The following NIBAN1 variants were observed in gnomAD, a reference collection of about 807,000 sequenced individuals.
NIBAN1 encodes the protein protein Niban 1.
NIBAN1 carries 81 observed loss-of-function variants against 75.1 expected under a neutral mutation model. The ratio of observed to expected loss-of-function variants is 1.08; its 90% CI spans 0.90 to 1.30. The LOEUF is 1.30. Among genes scored for constraint, NIBAN1 ranks in the 50% most tolerant of loss-of-function variants. The probability of loss-of-function intolerance (pLI) is 0.00; values close to 1 mark genes in which losing one functional copy is unlikely to be tolerated. For missense variants in NIBAN1, 1,133 were observed against 1,128.1 expected (o/e 1.00, Z -0.06); for synonymous variants, 436 against 424.8 (o/e 1.03, Z -0.32).
Position 184,861,559 on chromosome 1 carries a change from AAAG to A in NIBAN1, c.601+23071_601+23073del, listed in dbSNP as rs139941812. Reference sequence around the variant, plus strand: ...AAGGGAGGAAGGGAGGGAGGAAGGGAAAGAAGGAGAGAAGGAAGGAAGGAGGGA... The same window carrying A: ...AAGGGAGGAAGGGAGGGAGGAAGGGAAAGGAGAGAAGGAAGGAAGGAGGGA... On this transcript the variant is annotated intron_variant, in intron 5 of 13. Coordinates refer to ENST00000367511, the MANE Select transcript of NIBAN1 (RefSeq NM_052966.4). Among the ~76,000 whole-genome samples the A allele has an allele frequency of 5.4e-3, 799 of 147,060 alleles. 8 individuals are homozygous for A. Among genetic ancestry groups the A allele is most frequent in the African/African-American group, 0.019 (763 of 39,696 alleles).
intron 5 of NIBAN1, among the ~76,000 whole-genome samples, chr1:184,859,557 G>A (rs1655762891): frequency 6.6e-6 from 1 of 152,100 alleles, no homozygotes; most frequent in Non-Finnish European, 1.5e-5. Context: ...CAGTAACCAT[G>A]TAGCCAATGG....
intron 5 of NIBAN1, among the ~76,000 whole-genome samples, chr1:184,842,372 G>T (rs182219970): frequency 6.6e-6 from 1 of 152,174 alleles, no homozygotes. Context: ...AGAAGCTCCC[G>T]AGGTGATGCT....
At chr1:184,921,909 C>A (rs117948757) in intron 1 of NIBAN1, among the ~76,000 whole-genome samples, 2 of 152,242 alleles carry the variant, frequency 1.3e-5, no homozygotes, top group East Asian at 3.9e-4. Flanking sequence ...ATAATAATAT[C>A]AATAATACCA....
chr1:184,899,909 C>T (rs558269848), intron 1 of NIBAN1, among the ~76,000 whole-genome samples: 10 of 151,236 alleles, frequency 6.6e-5, no homozygotes, highest in Middle Eastern at 3.4e-3. Context: ...TTTCACCTCC[C>T]GGGTTCAAGC....
rs568591649 is a variant in NIBAN1, at chr1:184,857,958, GA to G, written c.602-25997del. On this transcript the variant is annotated intron_variant, in intron 5 of 13. Transcript: ENST00000367511. ...AAAAATAGCAATATAAAACCTTCAA[GA>G]AAAATTGAGGAAATTAGAAATATAA... 1.5e-3 allele frequency among the ~76,000 whole-genome samples: 221 copies of G among 151,518 alleles called. 2 individuals are homozygous for G. The highest frequency in any genetic ancestry group is 1.8e-3 in the Non-Finnish European group (125 of 67,818).
chr1:184,830,563 AAAG>A (rs1468901268), intron 6 of NIBAN1, among the ~76,000 whole-genome samples: 2 of 152,222 alleles, frequency 1.3e-5, no homozygotes, highest in African/African-American at 2.4e-5. Flanking sequence ...GTGAAACAAT[AAAG>A]AAGAGCTCCC....
rs1037562975 is a variant in NIBAN1 at position 184,795,667 on chromosome 1, C to A, written c.2097G>T (p.Glu699Asp). The A allele has an allele frequency of 1.2e-6, 2 of 1,614,186 alleles. No homozygotes were observed. Residue 699 changes from glutamate to aspartate, a missense_variant, in exon 14 of 14, where the codon GAG becomes GAT. Glu to Asp is a conservative substitution (Grantham distance 45). Coordinates refer to ENST00000367511, the MANE Select transcript of NIBAN1 (RefSeq NM_052966.4). ...AACCCGAGGCAGTGATGGGTTCTGG[C>A]TCTTCCTGGGCGGGTTCTTCATCCT... is the stretch of plus-strand genomic sequence containing the variant. ...TLEDEEPAQE[E>D]PEPITASGSL...
At chr1:184,892,355 A>G (rs1656689790) in intron 3 of NIBAN1, among the ~76,000 whole-genome samples, 1 of 152,170 alleles carries the variant, frequency 6.6e-6, no homozygotes, top group Non-Finnish European at 1.5e-5. Context: ...CCTATCTAGT[A>G]AGTGGTAAAG....
At chr1:184,911,199 A>C (rs917314668) in intron 1 of NIBAN1, among the ~76,000 whole-genome samples, 3 of 152,176 alleles carry the variant, frequency 2.0e-5, no homozygotes, top group African/African-American at 7.2e-5. Flanking sequence ...ATTTCACTTA[A>C]TATATATTAA....
intron 5 of NIBAN1, among the ~76,000 whole-genome samples, chr1:184,860,346 A>G (rs1655786037): frequency 6.6e-6 from 1 of 152,166 alleles, no homozygotes; most frequent in East Asian, 1.9e-4. Flanking sequence ...AATTTTGTAA[A>G]CATGCAAAAA....
At position 184,803,623 on chromosome 1, in the gene NIBAN1, G is replaced by A. The variant is rs1295770809; in HGVS notation, c.1516C>T (p.Pro506Ser). ...FQEALVQITL[P>S]TVQKALASTC... ...GACGCCAGTGCCTTCTGCACAGTGG[G>A]AAGTGTGATTTGAACTAGTGCCTCT... The change falls in exon 12 of 14, where the codon CCC (proline) becomes TCC (serine). Residue 506 changes from proline (P) to serine (S), a missense_variant. Pro to Ser is a moderately conservative substitution (Grantham distance 74, BLOSUM62 -1). Coordinates refer to ENST00000367511, the MANE Select transcript of NIBAN1 (RefSeq NM_052966.4). 3 of 1,614,100 alleles carry A rather than the reference G, an allele frequency of 1.9e-6. No individual in the cohort carries two copies. Among genetic ancestry groups the A allele is most frequent in the African/African-American group, 2.7e-5 (2 of 74,944 alleles).
intron 1 of NIBAN1, among the ~76,000 whole-genome samples, chr1:184,954,937 A>G (rs980155037): frequency 6.6e-6 from 1 of 152,212 alleles, no homozygotes; most frequent in African/African-American, 2.4e-5. Flanking sequence ...ATTCGAGAAC[A>G]GCTGTCTAAA....
chr1:184,836,860 A>G (rs1215763799), intron 5 of NIBAN1, among the ~76,000 whole-genome samples: 1 of 152,234 alleles, frequency 6.6e-6, no homozygotes, highest in Non-Finnish European at 1.5e-5. Context: ...TTCAGCTAAT[A>G]AACTGTTAAA....
At chr1:184,921,756 T>C (rs1657560714) in intron 1 of NIBAN1, among the ~76,000 whole-genome samples, 1 of 152,210 alleles carries the variant, frequency 6.6e-6, no homozygotes, top group East Asian at 1.9e-4. Context: ...AGTCAATCAA[T>C]AGTAACCTCC....
chr1:184,870,125 C>T (rs1338497935), intron 5 of NIBAN1, among the ~76,000 whole-genome samples: 2 of 152,150 alleles, frequency 1.3e-5, no homozygotes, highest in South Asian at 2.1e-4. Context: ...AAAGTCTCTT[C>T]CCCCCAACTC....
At chr1:184,974,052 A>AGGCGGCGGGAGCGGCGG (rs1376977551) in intron 1 of NIBAN1, among the ~76,000 whole-genome samples, 4 of 151,960 alleles carry the variant, frequency 2.6e-5, no homozygotes, top group Non-Finnish European at 5.9e-5. Flanking sequence ...GGGAGCGGCG[A>AGGCGGCGGGAGCGGCGG]AGGCGCCGGC....
chr1:184,842,922 A>G lies in NIBAN1; in HGVS notation c.602-10960T>C, dbSNP rs374673738. ...CGTTTGAGAAAAAAAAAATGACACA[A>G]AAGCAAAGGTGATAGTAGAAGACCA... is the stretch of plus-strand genomic sequence containing the variant. On this transcript the variant is annotated intron_variant, in intron 5 of 13. Coordinates refer to ENST00000367511, the MANE Select transcript of NIBAN1 (RefSeq NM_052966.4). Among the ~76,000 whole-genome samples the G allele has an allele frequency of 4.3e-4, 66 of 152,294 alleles. 1 individual carries two copies. The highest frequency in any genetic ancestry group is 1.5e-3 in the African/African-American group (62 of 41,548).
chr1:184,964,095 C>T (rs903370301), intron 1 of NIBAN1, among the ~76,000 whole-genome samples: 1 of 150,136 alleles, frequency 6.7e-6, no homozygotes, highest in African/African-American at 2.5e-5. Flanking sequence ...AAGAGCCATA[C>T]ATTTCCAGTC....
At position 184,794,762 on chromosome 1, in the gene NIBAN1, T is replaced by C. The variant is rs1653789923; in HGVS notation, c.*215A>G. 1 of 637,162 alleles carries C rather than the reference T, an allele frequency of 1.6e-6. No homozygotes were observed. Among genetic ancestry groups the C allele is most frequent in the Non-Finnish European group, 2.7e-6 (1 of 367,256 alleles). The allele number at this position is 637,162 out of a possible 1,614,324, so 39.5% of individuals were successfully genotyped here. A position where few individuals can be genotyped will look rare whatever the true frequency, so the allele number is the denominator to read the frequency against. On this transcript the variant is annotated 3_prime_UTR_variant, in exon 14 of 14. Coordinates refer to ENST00000367511, the MANE Select transcript of NIBAN1 (RefSeq NM_052966.4). ...TATGCCATTGTCTTTGTAATTCTTA[T>C]TAAAATACTAAAGCAAAAATTCATC...
Sources: allele counts gnomAD v4.1 joint callset (sites outside exome capture counted in the v4.1 genomes callset), GRCh38; gene constraint gnomAD v4.1.1; transcripts MANE v1.5; gene names NCBI Gene and HGNC (gene_info 2026-07-23, HGNC 2026-07-21).